The following REC114 variants were observed in gnomAD, a reference collection of about 807,000 sequenced individuals.
REC114 encodes the protein meiotic recombination protein REC114.
In REC114, 27 loss-of-function variants were observed where a neutral mutation model predicts 31.3. That is an observed-to-expected ratio of 0.86 (90% confidence interval 0.64 to 1.19). The LOEUF (loss-of-function observed/expected upper bound fraction) is 1.19. REC114 is among the 50% of genes most tolerant of loss of function. REC114 has a pLI of 0.00. For synonymous variants in REC114, 134 were observed against 127.7 expected (o/e 1.05, Z -0.33); for missense variants, 344 against 326.9 (o/e 1.05, Z -0.40).
At chr15:73,506,844 T>C (rs1893685031) in intron 2 of REC114, among the ~76,000 whole-genome samples, 2 of 152,178 alleles carry the variant, frequency 1.3e-5, no homozygotes, top group South Asian at 4.1e-4. Flanking sequence ...TTAGAAAGGA[T>C]TTTTAAATCA....
chr15:73,453,717 C>A (rs1021692314), intron 1 of REC114, among the ~76,000 whole-genome samples: 2 of 152,156 alleles, frequency 1.3e-5, no homozygotes, highest in African/African-American at 4.8e-5. Flanking sequence ...TTGGAACCAA[C>A]CCAAATGCCC....
chr15:73,518,323 C>T (rs887635643), intron 2 of REC114, among the ~76,000 whole-genome samples: 1 of 152,150 alleles, frequency 6.6e-6, no homozygotes. Context: ...AGGGGCTTAA[C>T]CAATATTGTT....
At chr15:73,464,686 AGTCTG>A (rs1416084343) in intron 1 of REC114, among the ~76,000 whole-genome samples, 4 of 152,160 alleles carry the variant, frequency 2.6e-5, no homozygotes, top group African/African-American at 9.7e-5. Flanking sequence ...CAGAGCACAT[AGTCTG>A]GTCTGCCCAT....
At chr15:73,555,766 C>T (rs1413427985) in intron 4 of REC114, among the ~76,000 whole-genome samples, 1 of 152,172 alleles carries the variant, frequency 6.6e-6, no homozygotes, top group African/African-American at 2.4e-5. Context: ...AGAACTGATT[C>T]TTTCAGAATA....
At chr15:73,556,516 T>G in intron 5 of REC114, 125 bp downstream of exon 5, 8 of 809,898 alleles carry the variant, frequency 9.9e-6, no homozygotes, top group Non-Finnish European at 1.5e-5. Context: ...TAAAAGGTGA[T>G]AGAGACAGAG....
chr15:73,474,230 A>C (rs1893178355), intron 2 of REC114, among the ~76,000 whole-genome samples: 1 of 152,202 alleles, frequency 6.6e-6, no homozygotes, highest in South Asian at 2.1e-4. Context: ...ACAAGTGTGG[A>C]GGGTTTTCCA....
chr15:73,514,671 A>G (rs1303660884), intron 2 of REC114, among the ~76,000 whole-genome samples: 1 of 152,214 alleles, frequency 6.6e-6, no homozygotes, highest in Non-Finnish European at 1.5e-5. Flanking sequence ...GATAGGCATT[A>G]AAAATTATAA....
chr15:73,540,459 C>G (rs1359905960), intron 2 of REC114, 26 bp from the exon 3 acceptor site: 1 of 1,566,304 alleles, frequency 6.4e-7, no homozygotes, highest in Non-Finnish European at 8.8e-7. Context: ...GTTTCTGTTG[C>G]TAATTTTTGC....
intron 2 of REC114, among the ~76,000 whole-genome samples, chr15:73,509,861 G>C (rs1893737297): frequency 6.6e-6 from 1 of 152,018 alleles, no homozygotes; most frequent in Non-Finnish European, 1.5e-5. Context: ...AGTATAGTTT[G>C]AAGTCAGGTA....
intron 3 of REC114, among the ~76,000 whole-genome samples, chr15:73,546,458 G>C (rs1894309488): frequency 6.6e-6 from 1 of 152,104 alleles, no homozygotes; most frequent in East Asian, 1.9e-4. Context: ...TAACCTAAAT[G>C]TTCATCCATA....
chr15:73,501,299 A>C (rs1893601260), intron 2 of REC114, among the ~76,000 whole-genome samples: 1 of 152,220 alleles, frequency 6.6e-6, no homozygotes, highest in South Asian at 2.1e-4. Flanking sequence ...GTGTAGCACA[A>C]TTTAAGGCAA....
intron 2 of REC114, among the ~76,000 whole-genome samples, 180 bp downstream of exon 2, chr15:73,474,101 C>T (rs531222757): frequency 2.3e-4 from 35 of 152,118 alleles, no homozygotes; most frequent in Non-Finnish European, 4.4e-4. Context: ...ATATTGCCTG[C>T]CCTAAAGGGG....
intron 2 of REC114, among the ~76,000 whole-genome samples, chr15:73,517,519 A>AG (rs531991674): frequency 4.5e-4 from 69 of 152,110 alleles, no homozygotes; most frequent in Non-Finnish European, 7.9e-4. Context: ...TTTAGAAGTG[A>AG]GGGGGGGAAA....
intron 2 of REC114, among the ~76,000 whole-genome samples, chr15:73,480,188 G>C (rs1482324147): frequency 6.6e-6 from 1 of 152,100 alleles, no homozygotes; most frequent in Non-Finnish European, 1.5e-5. Flanking sequence ...CTGATGATTA[G>C]TAATGTTGAA....
At chr15:73,535,884 T>A (rs1300509142) in intron 2 of REC114, among the ~76,000 whole-genome samples, 1 of 151,428 alleles carries the variant, frequency 6.6e-6, no homozygotes, top group Non-Finnish European at 1.5e-5. Context: ...TATCTACAAC[T>A]ATCTGATCTT....
chr15:73,468,937 T>C lies in REC114; in HGVS notation c.160-4895T>C, dbSNP rs183835664. ...GTAAATAAGAATATTTGGGGCTTTT[T>C]TTCAGAGACCTGTTTTTGATTTCTA... is the stretch of plus-strand genomic sequence containing the variant. On this transcript the variant is annotated intron_variant, in intron 1 of 5. Coordinates refer to ENST00000331090, the MANE Select transcript of REC114 (RefSeq NM_001042367.2). Among the ~76,000 whole-genome samples, 39 of 152,292 alleles carry C rather than the reference T, an allele frequency of 2.6e-4. No homozygotes were observed. The East Asian group carries it at 6.6e-3, about 26-fold the overall frequency.
At chr15:73,509,745 T>C (rs1279565624) in intron 2 of REC114, among the ~76,000 whole-genome samples, 1 of 149,118 alleles carries the variant, frequency 6.7e-6, no homozygotes, top group Admixed American at 6.7e-5. Flanking sequence ...AAAGATCAGA[T>C]AGTTGTAGGT....
intron 1 of REC114, among the ~76,000 whole-genome samples, chr15:73,443,799 C>T (rs1039466845): frequency 1.3e-5 from 2 of 152,178 alleles, no homozygotes; most frequent in African/African-American, 4.8e-5. Context: ...TTTGAATCCT[C>T]GCGTTGCCAG....
At chr15:73,539,681 C>T (rs1277798061) in intron 2 of REC114, among the ~76,000 whole-genome samples, 9 of 151,992 alleles carry the variant, frequency 5.9e-5, no homozygotes, top group African/African-American at 1.9e-4. Context: ...CTGTGGTGGA[C>T]TAACATTTAA....
Sources: allele counts gnomAD v4.1 joint callset (sites outside exome capture counted in the v4.1 genomes callset), GRCh38; gene constraint gnomAD v4.1.1; transcripts MANE v1.5; gene names NCBI Gene and HGNC (gene_info 2026-07-23, HGNC 2026-07-21).